Variants in PDE7B observed in about 807,000 individuals in gnomAD.
PDE7B encodes phosphodiesterase 7B, also known as 3',5'-cyclic-AMP phosphodiesterase 7B.
A neutral mutation model predicts 56.2 loss-of-function variants in PDE7B; 29 were observed. The ratio of observed to expected loss-of-function variants is 0.52; its 90% CI spans 0.38 to 0.70. The LOEUF (loss-of-function observed/expected upper bound fraction) is 0.70. Among genes scored for constraint, PDE7B ranks in the 30% least tolerant of loss-of-function variants. The probability of loss-of-function intolerance (pLI) is 0.00; values close to 1 mark genes in which losing one functional copy is unlikely to be tolerated. For synonymous variants in PDE7B, 197 were observed against 196.9 expected (o/e 1.00, Z 0.00); for missense variants, 490 against 565.0 (o/e 0.87, Z 1.35).
At chr6:135,897,507 G>A (rs1775923927) in intron 1 of PDE7B, among the ~76,000 whole-genome samples, 1 of 152,168 alleles carries the variant, frequency 6.6e-6, no homozygotes, top group Non-Finnish European at 1.5e-5. Flanking sequence ...GAAGAGAAAG[G>A]TAGCCAGGGA....
At chr6:135,982,114 CT>C (rs1271062355) in intron 2 of PDE7B, among the ~76,000 whole-genome samples, 2 of 152,162 alleles carry the variant, frequency 1.3e-5, no homozygotes, top group Non-Finnish European at 2.9e-5. Flanking sequence ...CTGACCCCCC[CT>C]CTTTCTAGGT....
At chr6:135,990,098 G>T (rs201216095) in intron 2 of PDE7B, among the ~76,000 whole-genome samples, 1,668 of 137,728 alleles carry the variant, frequency 0.012, 28 homozygotes, top group African/African-American at 0.038. Flanking sequence ...GGGTTTTTTT[G>T]TTTTTTTTTT....
intron 2 of PDE7B, chr6:136,048,880 A>C (rs1776569581): frequency 6.6e-6 from 1 of 152,210 alleles, no homozygotes; most frequent in Non-Finnish European, 1.5e-5. Flanking sequence ...TATTTTACAC[A>C]GAGCCACAAG....
At chr6:135,922,687 A>G (rs1774106598) in intron 1 of PDE7B, among the ~76,000 whole-genome samples, 1 of 152,186 alleles carries the variant, frequency 6.6e-6, no homozygotes, top group Non-Finnish European at 1.5e-5. Flanking sequence ...ATTATGAAAC[A>G]ATGAATGCAA....
rs181839811 is a variant in PDE7B at position 135,912,474 on chromosome 6, G to T, written c.22-34990G>T. Among the ~76,000 whole-genome samples, 7 of 152,252 alleles carry T rather than the reference G, an allele frequency of 4.6e-5. No individual in the cohort carries two copies. The East Asian group carries it at 1.4e-3, about 29-fold the overall frequency. On this transcript the variant is annotated intron_variant, in intron 1 of 12. Coordinates refer to ENST00000308191, the MANE Select transcript of PDE7B (RefSeq NM_018945.4). ...ATGCCATTTTATATTAGGGACTTGAGCATCTGCAGATTATGGTATCTGCAG... is the reference window on the plus strand; with the variant it reads ...ATGCCATTTTATATTAGGGACTTGATCATCTGCAGATTATGGTATCTGCAG...
intron 2 of PDE7B, among the ~76,000 whole-genome samples, chr6:135,948,081 C>G (rs1774623191): frequency 6.6e-6 from 1 of 151,872 alleles, no homozygotes; most frequent in Non-Finnish European, 1.5e-5. Flanking sequence ...TTAATATATA[C>G]TGTTAGGTAA....
chr6:135,930,123 G>A (rs1411132963), intron 1 of PDE7B, among the ~76,000 whole-genome samples: 1 of 152,094 alleles, frequency 6.6e-6, no homozygotes, highest in Non-Finnish European at 1.5e-5. Flanking sequence ...ATATGGCTGG[G>A]GAGGCCTCAC....
Position 136,154,139 on chromosome 6 carries a change from C to T in PDE7B, c.543C>T (p.Val181=), listed in dbSNP as rs1291392397. 1 of 1,613,778 alleles carries T rather than the reference C, an allele frequency of 6.2e-7. No homozygotes were observed. Among genetic ancestry groups the T allele is most frequent in the Admixed American group, 1.7e-5 (1 of 59,994 alleles). The change falls in exon 7 of 13, where the codon GTC becomes GTT. Residue 181 remains valine, a synonymous_variant. Transcript: ENST00000308191. ...PYHNAVHAAD[V]TQAMHCYLKE... ...ACAATGCTGTTCACGCAGCCGACGT[C>T]ACCCAGGCCATGCACTGCTACCTGA... is the stretch of plus-strand genomic sequence containing the variant.
intron 2 of PDE7B, among the ~76,000 whole-genome samples, chr6:135,953,442 G>T (rs1481915695): frequency 2.6e-5 from 4 of 152,046 alleles, no homozygotes; most frequent in Admixed American, 2.6e-4. Flanking sequence ...TCATTTAGGG[G>T]TTGTAGACCT....
At chr6:135,936,750 C>T (rs973333772) in intron 1 of PDE7B, among the ~76,000 whole-genome samples, 1 of 152,168 alleles carries the variant, frequency 6.6e-6, no homozygotes, top group African/African-American at 2.4e-5. Context: ...GACCCTGGTT[C>T]CTCCACCTTC....
chr6:135,982,236 C>T (rs1046202904), intron 2 of PDE7B, among the ~76,000 whole-genome samples: 9 of 152,134 alleles, frequency 5.9e-5, no homozygotes, highest in East Asian at 1.9e-4. Context: ...AAGGACCTAC[C>T]GCTTTGTAGA....
chr6:136,050,457 A>G (rs1023410103), intron 2 of PDE7B, among the ~76,000 whole-genome samples: 6 of 152,108 alleles, frequency 3.9e-5, no homozygotes, highest in Non-Finnish European at 8.8e-5. Context: ...AGGATTGTGA[A>G]TTAACAAAGT....
chr6:136,141,281 T>A (rs1778320621), intron 3 of PDE7B, among the ~76,000 whole-genome samples: 3 of 152,214 alleles, frequency 2.0e-5, no homozygotes, highest in Admixed American at 2.0e-4. Flanking sequence ...TTGATTTGCG[T>A]ATGTTGAACC....
rs145646870 is a variant in PDE7B at position 135,905,766 on chromosome 6, G to A, written c.22-41698G>A. On this transcript the variant is annotated intron_variant, in intron 1 of 12. Transcript: ENST00000308191. The stretch of plus-strand genomic sequence containing the variant: ...GGAGTGGGCCAGCATGACGCTAAAC[G>A]CACTACGCAAAAGCCAGCATGAATC... Among the ~76,000 whole-genome samples the A allele has an allele frequency of 5.9e-5, 9 of 152,182 alleles. No individual in the cohort carries two copies. In the East Asian group the frequency reaches 1.4e-3, roughly 23 times the overall value.
intron 1 of PDE7B, among the ~76,000 whole-genome samples, chr6:135,860,793 G>A (rs1562413946): frequency 6.6e-6 from 1 of 151,700 alleles, no homozygotes; most frequent in Non-Finnish European, 1.5e-5. Context: ...GAATTATTTT[G>A]TTTACAATGT....
chr6:135,971,576 A>G (rs561013500), intron 2 of PDE7B, among the ~76,000 whole-genome samples: 1 of 152,286 alleles, frequency 6.6e-6, no homozygotes, highest in South Asian at 2.1e-4. Context: ...GTGTAGAATA[A>G]AAATTTTATT....
At chr6:135,861,515 T>TTATA (rs1491538467) in intron 1 of PDE7B, among the ~76,000 whole-genome samples, 5 of 149,158 alleles carry the variant, frequency 3.4e-5, no homozygotes, top group African/African-American at 1.2e-4. Flanking sequence ...TTATATATAC[T>TTATA]TATATATATA....
rs1252128216 is a variant in PDE7B at position 135,987,911 on chromosome 6, G to A, written c.82+40387G>A. On this transcript the variant is annotated intron_variant, in intron 2 of 12. Coordinates refer to ENST00000308191, the MANE Select transcript of PDE7B (RefSeq NM_018945.4). ...CAAATACCAACACACTGGAGGTTGG[G>A]AATTCAACAAATGAATTTAGGTGGG... Among the ~76,000 whole-genome samples, 3 of 152,042 alleles carry A rather than the reference G, an allele frequency of 2.0e-5. No individual in the cohort carries two copies. The East Asian group carries it at 5.8e-4, about 29-fold the overall frequency.
chr6:136,041,445 C>T (rs576152436), intron 2 of PDE7B, among the ~76,000 whole-genome samples: 1 of 152,292 alleles, frequency 6.6e-6, no homozygotes, highest in African/African-American at 2.4e-5. Flanking sequence ...GGGGGAGTGC[C>T]AGAGAGAAGG....
Sources: allele counts gnomAD v4.1 joint callset (sites outside exome capture counted in the v4.1 genomes callset), GRCh38; gene constraint gnomAD v4.1.1; transcripts MANE v1.5; gene names NCBI Gene and HGNC (gene_info 2026-07-23, HGNC 2026-07-21).